Variants in MAPK8 observed in about 807,000 individuals in gnomAD.
The protein encoded by MAPK8 is JUN N-terminal kinase.
In MAPK8, 13 loss-of-function variants were observed where a neutral mutation model predicts 52.9. The ratio of observed to expected loss-of-function variants is 0.25; its 90% CI spans 0.16 to 0.39. The LOEUF is 0.39. Ranked by LOEUF, MAPK8 falls within the 10% of genes least tolerant of loss-of-function variation. The pLI is 1.00. For missense variants in MAPK8, 300 were observed against 519.2 expected (o/e 0.58, Z 4.10); for synonymous variants, 191 against 169.8 (o/e 1.12, Z -0.97).
At chr10:48,308,666 A>G (rs1370661203) in intron 1 of MAPK8, among the ~76,000 whole-genome samples, 1 of 152,192 alleles carries the variant, frequency 6.6e-6, no homozygotes, top group Non-Finnish European at 1.5e-5. Context: ...AAATGATTGC[A>G]TTTATAATTT....
At chr10:48,339,290 C>T (rs180822943) in intron 1 of MAPK8, among the ~76,000 whole-genome samples, 176 of 152,148 alleles carry the variant, frequency 1.2e-3, no homozygotes, top group African/African-American at 4.1e-3. Context: ...CACACACCTG[C>T]TATGAACTGA....
chr10:48,401,697 G>A lies in MAPK8; in HGVS notation c.37G>A (p.Val13Ile). The A allele has an allele frequency of 6.2e-7, 1 of 1,606,580 alleles. No homozygotes were observed. Among genetic ancestry groups the A allele is most frequent in the Non-Finnish European group, 8.5e-7 (1 of 1,177,244 alleles). Residue 13 changes from valine (V) to isoleucine (I), a missense_variant, in exon 2 of 12, where the codon GTA becomes ATA. This residue lies in a region of MAPK8 where 34 missense variants were observed against 36.7 expected (regional missense o/e 0.93). Coordinates refer to ENST00000374189, the MANE Select transcript of MAPK8 (RefSeq NM_001323329.2). ...RSKRDNNFYS[V>I]EIGDSTFTVL... ...CAAGCGTGACAACAATTTTTATAGT[G>A]TAGAGATTGGAGATTCTACATTCAC...
At chr10:48,361,367 A>C (rs1039059609) in intron 1 of MAPK8, among the ~76,000 whole-genome samples, 1 of 151,924 alleles carries the variant, frequency 6.6e-6, no homozygotes, top group Non-Finnish European at 1.5e-5. Context: ...ATTACCTTAT[A>C]ATGATTTCAT....
chr10:48,346,097 C>T (rs1845746321), intron 1 of MAPK8, among the ~76,000 whole-genome samples: 1 of 152,146 alleles, frequency 6.6e-6, no homozygotes, highest in African/African-American at 2.4e-5. Flanking sequence ...CCCTTCACCC[C>T]CAAGTTCTTT....
At chr10:48,352,204 A>G (rs1846408677) in intron 1 of MAPK8, among the ~76,000 whole-genome samples, 2 of 152,196 alleles carry the variant, frequency 1.3e-5, no homozygotes, top group Non-Finnish European at 2.9e-5. Flanking sequence ...AAAGGCTTAA[A>G]GAAGAATTTA....
intron 5 of MAPK8, among the ~76,000 whole-genome samples, chr10:48,415,062 C>CCTAA (rs915617793): frequency 1.3e-5 from 2 of 151,930 alleles, no homozygotes; most frequent in African/African-American, 2.4e-5. Flanking sequence ...ACAGGCTTAT[C>CCTAA]CTTAATTATC....
At chr10:48,351,118 G>T (rs945558033) in intron 1 of MAPK8, among the ~76,000 whole-genome samples, 2 of 151,766 alleles carry the variant, frequency 1.3e-5, no homozygotes, top group African/African-American at 2.4e-5. Flanking sequence ...AAGTAAGAGG[G>T]GACACAGACA....
At chr10:48,362,566 G>T in intron 1 of MAPK8, among the ~76,000 whole-genome samples, 1 of 99,754 alleles carries the variant, frequency 1.0e-5, no homozygotes, top group East Asian at 3.7e-4. Flanking sequence ...GGTGGGGGGT[G>T]GGAAGTGGGT....
chr10:48,309,799 T>C (rs1841795575), intron 1 of MAPK8, among the ~76,000 whole-genome samples: 1 of 152,204 alleles, frequency 6.6e-6, no homozygotes, highest in Admixed American at 6.5e-5. Flanking sequence ...TACAAAATAA[T>C]GTCTGACATT....
chr10:48,434,090 T>C (rs1376266523), intron 11 of MAPK8, among the ~76,000 whole-genome samples: 1 of 152,256 alleles, frequency 6.6e-6, no homozygotes, highest in Non-Finnish European at 1.5e-5. Flanking sequence ...AGAGGATTTC[T>C]GTCTCGAGCT....
intron 1 of MAPK8, among the ~76,000 whole-genome samples, chr10:48,398,897 A>G (rs2042019497): frequency 6.6e-6 from 1 of 152,174 alleles, no homozygotes; most frequent in Admixed American, 6.5e-5. Context: ...TATTGAAGTA[A>G]TGGGAATGTT....
At chr10:48,313,797 C>T (rs900918750) in intron 1 of MAPK8, among the ~76,000 whole-genome samples, 25 of 151,950 alleles carry the variant, frequency 1.6e-4, no homozygotes, top group African/African-American at 6.0e-4. Flanking sequence ...CTCTTGTTGC[C>T]CAGGCTGGAG....
intron 3 of MAPK8, among the ~76,000 whole-genome samples, chr10:48,409,439 T>G (rs1295257427): frequency 6.6e-6 from 1 of 152,144 alleles, no homozygotes; most frequent in Non-Finnish European, 1.5e-5. Context: ...TGAGAAGGGA[T>G]ATGCTTATGG....
At chr10:48,433,993 A>T (rs758120559) in intron 11 of MAPK8, among the ~76,000 whole-genome samples, 1 of 152,210 alleles carries the variant, frequency 6.6e-6, no homozygotes, top group South Asian at 2.1e-4. Flanking sequence ...GTTCAGAAGT[A>T]CTTAGCCTAG....
At chr10:48,382,544 G>A (rs2041062426) in intron 1 of MAPK8, among the ~76,000 whole-genome samples, 1 of 151,840 alleles carries the variant, frequency 6.6e-6, no homozygotes, top group South Asian at 2.1e-4. Context: ...TGGATTCAAA[G>A]TTCATAAATA....
intron 1 of MAPK8, among the ~76,000 whole-genome samples, chr10:48,376,575 G>A (rs1469428516): frequency 3.9e-5 from 6 of 152,196 alleles, no homozygotes; most frequent in Non-Finnish European, 8.8e-5. Context: ...CGAAGCATAT[G>A]AAGAGACACT....
In MAPK8 at chr10:48,404,955, C is replaced by A; in HGVS notation, c.226C>A (p.Leu76Ile). ...HAKRAYRELV[L>I]MKCVNHKNII... ...CAAGCGGGCCTACAGAGAGCTAGTT[C>A]TTATGAAATGTGTTAATCACAAAAA... is the stretch of plus-strand genomic sequence containing the variant. Residue 76 changes from leucine to isoleucine, a missense_variant, in exon 3 of 12, where the codon CTT becomes ATT. By Grantham distance (5) the Leu-to-Ile change is conservative (BLOSUM62 2). This residue lies in a region of MAPK8 where 147 missense variants were observed against 328.1 expected (regional missense o/e 0.45). Transcript: ENST00000374189. 6.2e-7 allele frequency: 1 copy of A among 1,604,918 alleles called. No individual in the cohort carries two copies. The highest frequency in any genetic ancestry group is 8.5e-7 in the Non-Finnish European group (1 of 1,175,236).
At chr10:48,410,231 AAATT>A in intron 5 of MAPK8, 63 bp downstream of exon 5, 1 of 1,392,834 alleles carries the variant, frequency 7.2e-7, no homozygotes, top group Non-Finnish European at 9.5e-7. Context: ...TCATGTAACA[AAATT>A]AACCATTCTA....
chr10:48,360,697 A>G (rs1340543677), intron 1 of MAPK8, among the ~76,000 whole-genome samples: 1 of 152,220 alleles, frequency 6.6e-6, no homozygotes, highest in Non-Finnish European at 1.5e-5. Flanking sequence ...TGAAAGAAGC[A>G]AACGCAAAAG....
Sources: allele counts gnomAD v4.1 joint callset (sites outside exome capture counted in the v4.1 genomes callset), GRCh38; gene constraint gnomAD v4.1.1; regional missense constraint gnomAD v4.1.1; transcripts MANE v1.5; gene names NCBI Gene and HGNC (gene_info 2026-07-23, HGNC 2026-07-21).